The following CACNA2D3 variants were observed in gnomAD, a reference collection of about 807,000 sequenced individuals.
CACNA2D3 encodes calcium voltage-gated channel auxiliary subunit alpha2delta 3, also known as voltage-dependent calcium channel subunit alpha-2/delta-3.
Under a neutral mutation model 160.6 loss-of-function variants are expected in CACNA2D3, and 60 were observed. The observed-to-expected ratio is 0.37, with a 90% CI of 0.30 to 0.46. CACNA2D3 has a LOEUF of 0.46. CACNA2D3 is among the 20% of genes least tolerant of loss of function. The pLI is 1.00. For missense variants in CACNA2D3, 1,205 were observed against 1,365.0 expected, an observed-to-expected ratio of 0.88 and a Z score of 1.85; for synonymous variants, 558 against 492.9, an observed-to-expected ratio of 1.13 and a Z score of -1.75.
intron 14 of CACNA2D3, among the ~76,000 whole-genome samples, chr3:54,830,328 A>T (rs1392557275): frequency 1.3e-5 from 2 of 151,182 alleles, no homozygotes. Context: ...GTGTTTTTCC[A>T]CCTCTTAGTA....
chr3:54,624,571 G>T (rs559886933), intron 9 of CACNA2D3, among the ~76,000 whole-genome samples: 4 of 152,184 alleles, frequency 2.6e-5, no homozygotes, highest in Admixed American at 2.6e-4. Flanking sequence ...CTGGTGAGCC[G>T]AGATCGCACC....
Position 54,891,365 on chromosome 3 carries a change from A to G in CACNA2D3, c.2161A>G (p.Lys721Glu). 6.2e-7 allele frequency: 1 copy of G among 1,613,684 alleles called. No individual in the cohort carries two copies. Among genetic ancestry groups the G allele is most frequent in the East Asian group, 2.2e-5 (1 of 44,872 alleles). Residue 721 changes from lysine to glutamate, a missense_variant, in exon 25 of 38, where the codon AAG becomes GAG. Lys to Glu is a moderately conservative substitution (Grantham distance 56, BLOSUM62 1). Coordinates refer to ENST00000474759, the MANE Select transcript of CACNA2D3 (RefSeq NM_018398.3). ...LALNKSENSDKGVEVAFLGTR... is the reference protein window; with the variant it reads ...LALNKSENSDEGVEVAFLGTR... ...GTTGTTCTGTTTCAGAAATTCTGAC[A>G]AGGGCGTGGAGGTTGCCTTCCTCGG... is the stretch of plus-strand genomic sequence containing the variant.
At chr3:54,965,630 A>G (rs1702130557) in intron 27 of CACNA2D3, among the ~76,000 whole-genome samples, 1 of 152,210 alleles carries the variant, frequency 6.6e-6, no homozygotes, top group African/African-American at 2.4e-5. Context: ...AAGTTGATCC[A>G]TCAATGAAAT....
intron 11 of CACNA2D3, among the ~76,000 whole-genome samples, chr3:54,732,490 G>A (rs1055246959): frequency 3.3e-5 from 5 of 152,150 alleles, no homozygotes; most frequent in Non-Finnish European, 7.3e-5. Context: ...AATGGGACTA[G>A]GTCATTGATA....
chr3:54,973,835 A>G (rs1438193597), intron 29 of CACNA2D3, among the ~76,000 whole-genome samples: 2 of 152,230 alleles, frequency 1.3e-5, no homozygotes, highest in Non-Finnish European at 2.9e-5. Flanking sequence ...ATGTGAAGTA[A>G]GTGTCAAGCG....
intron 11 of CACNA2D3, among the ~76,000 whole-genome samples, chr3:54,676,552 A>G (rs1700248314): frequency 6.6e-6 from 1 of 152,094 alleles, no homozygotes; most frequent in African/African-American, 2.4e-5. Flanking sequence ...GGGTTCAGAT[A>G]AATGAGCCAG....
At chr3:54,716,607 T>C (rs1162318821) in intron 11 of CACNA2D3, among the ~76,000 whole-genome samples, 1 of 152,186 alleles carries the variant, frequency 6.6e-6, no homozygotes, top group African/African-American at 2.4e-5. Context: ...TCTGGTCTCC[T>C]CCTGTCCTGT....
intron 11 of CACNA2D3, among the ~76,000 whole-genome samples, chr3:54,684,136 T>C (rs1370301497): frequency 6.6e-6 from 1 of 151,976 alleles, no homozygotes; most frequent in Non-Finnish European, 1.5e-5. Context: ...AATTTTTGTA[T>C]TTTTAGTAGA....
chr3:54,515,162 GTGTGTGTGTGTC>G (rs904484117), intron 5 of CACNA2D3, among the ~76,000 whole-genome samples: 6 of 133,374 alleles, frequency 4.5e-5, no homozygotes, highest in African/African-American at 1.7e-4. Context: ...AGTAAAATCC[GTGTGTGTGTGTC>G]TGTGTGTGTG....
At chr3:54,672,242 G>C (rs976468173) in intron 11 of CACNA2D3, among the ~76,000 whole-genome samples, 1 of 152,188 alleles carries the variant, frequency 6.6e-6, no homozygotes, top group African/African-American at 2.4e-5. Context: ...TGCTTTTATT[G>C]GTTGGAGTTT....
chr3:54,971,094 T>C (rs1356578010), intron 29 of CACNA2D3, among the ~76,000 whole-genome samples: 1 of 151,982 alleles, frequency 6.6e-6, no homozygotes, highest in Non-Finnish European at 1.5e-5. Flanking sequence ...ATCATAATCA[T>C]TGTATGAGTC....
intron 3 of CACNA2D3, among the ~76,000 whole-genome samples, chr3:54,328,831 A>G (rs1386600798): frequency 6.6e-6 from 1 of 152,178 alleles, no homozygotes; most frequent in Non-Finnish European, 1.5e-5. Flanking sequence ...TCATGGGAAC[A>G]GTCCTGAGGA....
chr3:54,841,401 C>G (rs1005198188), intron 16 of CACNA2D3, among the ~76,000 whole-genome samples: 9 of 152,158 alleles, frequency 5.9e-5, no homozygotes, highest in African/African-American at 2.2e-4. Flanking sequence ...TTGTGCTTTT[C>G]CAAGGGTCAA....
At chr3:54,487,576 C>G (rs1440597064) in intron 4 of CACNA2D3, among the ~76,000 whole-genome samples, 2 of 152,184 alleles carry the variant, frequency 1.3e-5, no homozygotes, top group Non-Finnish European at 2.9e-5. Flanking sequence ...TCCCAACAAC[C>G]AGGCCCTGGA....
chr3:54,729,466 A>AT (rs34913453), intron 11 of CACNA2D3, among the ~76,000 whole-genome samples: 140,988 of 152,228 alleles, frequency 0.93, 65,575 homozygotes, highest in Non-Finnish European at 0.94. Context: ...TTTTAAATTT[A>AT]TTGTAAGAGT....
chr3:54,403,005 A>G (rs891468185), intron 4 of CACNA2D3, among the ~76,000 whole-genome samples: 1 of 152,176 alleles, frequency 6.6e-6, no homozygotes, highest in African/African-American at 2.4e-5. Flanking sequence ...ATATGTGGAA[A>G]TTAAACAACA....
intron 17 of CACNA2D3, among the ~76,000 whole-genome samples, chr3:54,856,256 AGG>A: frequency 1.3e-5 from 1 of 78,916 alleles, no homozygotes; most frequent in Non-Finnish European, 3.2e-5. Flanking sequence ...ACTGACAAGA[AGG>A]AGAATTTATG....
chr3:54,996,669 G>C (rs555540706), intron 31 of CACNA2D3, among the ~76,000 whole-genome samples: 1 of 152,288 alleles, frequency 6.6e-6, no homozygotes, highest in Admixed American at 6.5e-5. Context: ...GAGGTTTGCA[G>C]GTGGCACCTC....
At chr3:54,771,741 A>G (rs1439617466) in intron 13 of CACNA2D3, among the ~76,000 whole-genome samples, 1 of 152,120 alleles carries the variant, frequency 6.6e-6, no homozygotes, top group Non-Finnish European at 1.5e-5. Flanking sequence ...CTCCAAGTCA[A>G]TTGATTAGTA....
Sources: allele counts gnomAD v4.1 joint callset (sites outside exome capture counted in the v4.1 genomes callset), GRCh38; gene constraint gnomAD v4.1.1; transcripts MANE v1.5; gene names NCBI Gene and HGNC (gene_info 2026-07-23, HGNC 2026-07-21).